Variants in TENM2 observed in about 807,000 individuals in gnomAD.
The protein encoded by TENM2 is teneurin transmembrane protein 2.
In TENM2, 52 loss-of-function variants were observed where a neutral mutation model predicts 245.2. The ratio of observed to expected loss-of-function variants is 0.21; its 90% CI spans 0.17 to 0.27. The LOEUF (loss-of-function observed/expected upper bound fraction) is 0.27. Among genes scored for constraint, TENM2 ranks in the 10% least tolerant of loss-of-function variants. TENM2 has a pLI of 1.00. For synonymous variants in TENM2, 1,363 were observed against 1,438.9 expected (o/e 0.95, Z 1.19); for missense variants, 3,046 against 3,666.8 (o/e 0.83, Z 4.37).
chr5:167,589,199 C>A (rs77828772), intron 2 of TENM2, among the ~76,000 whole-genome samples: 333 of 139,030 alleles, frequency 2.4e-3, no homozygotes, highest in South Asian at 3.0e-3. Context: ...GAGGCTGTCT[C>A]AAAAAAAAAA....
intron 2 of TENM2, among the ~76,000 whole-genome samples, chr5:167,637,512 C>T (rs772249648): frequency 1.3e-5 from 2 of 152,202 alleles, no homozygotes; most frequent in Non-Finnish European, 2.9e-5. Context: ...TATAAAGACA[C>T]ATGCACACAT....
chr5:167,671,559 A>T (rs1755944145), intron 2 of TENM2, among the ~76,000 whole-genome samples: 1 of 152,026 alleles, frequency 6.6e-6, no homozygotes, highest in Non-Finnish European at 1.5e-5. Context: ...AGGCATAAGA[A>T]CCATGAAACC....
chr5:167,391,580 G>A (rs1346976885), intron 2 of TENM2, among the ~76,000 whole-genome samples: 2 of 137,260 alleles, frequency 1.5e-5, no homozygotes, highest in Non-Finnish European at 1.5e-5. Context: ...AGCCAAGATT[G>A]TGCCACTGCA....
intron 2 of TENM2, among the ~76,000 whole-genome samples, chr5:167,571,587 A>C (rs1774266562): frequency 6.6e-6 from 1 of 152,140 alleles, no homozygotes; most frequent in Non-Finnish European, 1.5e-5. Context: ...CCACCTCCTC[A>C]CTAAGGAAGC....
At chr5:167,663,181 A>T (rs1346833217) in intron 2 of TENM2, among the ~76,000 whole-genome samples, 2 of 143,026 alleles carry the variant, frequency 1.4e-5, no homozygotes, top group African/African-American at 5.4e-5. Context: ...AGAGAGAGAG[A>T]GAGAGAAAGA....
At chr5:167,540,944 A>C (rs1772168332) in intron 2 of TENM2, among the ~76,000 whole-genome samples, 1 of 152,316 alleles carries the variant, frequency 6.6e-6, no homozygotes, top group Middle Eastern at 3.4e-3. Context: ...ACATAAAGTT[A>C]GGTTTCTTTA....
At chr5:167,349,211 T>G (rs1016574879) in intron 1 of TENM2, among the ~76,000 whole-genome samples, 1 of 152,202 alleles carries the variant, frequency 6.6e-6, no homozygotes, top group Non-Finnish European at 1.5e-5. Flanking sequence ...TGGTTCAACT[T>G]CAACCTCACC....
intron 2 of TENM2, among the ~76,000 whole-genome samples, chr5:167,461,960 A>G (rs767747084): frequency 2.6e-5 from 4 of 152,176 alleles, no homozygotes; most frequent in Non-Finnish European, 4.4e-5. Flanking sequence ...TTTGTGAGAA[A>G]CATAATGGTT....
upstream of TENM2, among the ~76,000 whole-genome samples, chr5:167,283,163 C>T (rs1771150219): frequency 6.6e-6 from 1 of 152,046 alleles, no homozygotes; most frequent in Non-Finnish European, 1.5e-5. Flanking sequence ...CCTGCCTCAG[C>T]CTCCCAAGTA....
chr5:168,083,107 G>A (rs866115968), intron 7 of TENM2, among the ~76,000 whole-genome samples: 3 of 152,164 alleles, frequency 2.0e-5, no homozygotes, highest in Non-Finnish European at 2.9e-5. Flanking sequence ...CACCCAGTTC[G>A]AGCTTCCCGG....
chr5:167,264,295 G>T, the TENM2 span, among the ~76,000 whole-genome samples: 1 of 152,144 alleles, frequency 6.6e-6, no homozygotes, highest in Non-Finnish European at 1.5e-5. Context: ...TAGTATGGAA[G>T]TTTTGAACTT....
At chr5:167,315,747 T>C (rs1756327170) in intron 1 of TENM2, among the ~76,000 whole-genome samples, 1 of 152,088 alleles carries the variant, frequency 6.6e-6, no homozygotes, top group African/African-American at 2.4e-5. Context: ...CAGAGACCTC[T>C]AACAAACAGA....
chr5:167,233,796 T>C, the TENM2 span, among the ~76,000 whole-genome samples: 1 of 152,038 alleles, frequency 6.6e-6, no homozygotes, highest in Non-Finnish European at 1.5e-5. Flanking sequence ...TATAAGAAAA[T>C]TATGTCTAAT....
intron 2 of TENM2, among the ~76,000 whole-genome samples, chr5:167,731,725 A>G (rs1582864707): frequency 8.4e-6 from 1 of 118,694 alleles, no homozygotes; most frequent in East Asian, 2.7e-4. Context: ...TGAAATATTT[A>G]AGGCTATTTG....
At chr5:168,044,569 G>T (rs543892261) in intron 5 of TENM2, among the ~76,000 whole-genome samples, 2 of 151,322 alleles carry the variant, frequency 1.3e-5, no homozygotes, top group Non-Finnish European at 2.9e-5. Context: ...TCTGCCCCCC[G>T]TGTATCATTA....
chr5:167,619,206 T>C (rs764507090), intron 2 of TENM2, among the ~76,000 whole-genome samples: 8 of 152,120 alleles, frequency 5.3e-5, no homozygotes, highest in African/African-American at 9.7e-5. Flanking sequence ...TGTTTTCTCA[T>C]CACTGTATAG....
At chr5:167,617,341 G>A (rs1369149962) in intron 2 of TENM2, among the ~76,000 whole-genome samples, 1 of 152,140 alleles carries the variant, frequency 6.6e-6, no homozygotes, top group African/African-American at 2.4e-5. Flanking sequence ...AATGTTCTGG[G>A]TTTGATAACG....
At chr5:168,059,531 A>G (rs2152085591) in intron 6 of TENM2, among the ~76,000 whole-genome samples, 1 of 152,136 alleles carries the variant, frequency 6.6e-6, no homozygotes, top group East Asian at 1.9e-4. Context: ...TTCTTTTGGT[A>G]CCTATCAGAG....
chr5:167,440,575 T>C (rs954734824), intron 2 of TENM2, among the ~76,000 whole-genome samples: 1 of 152,156 alleles, frequency 6.6e-6, no homozygotes, highest in African/African-American at 2.4e-5. Context: ...AAGAAGAAAC[T>C]AGAATATTTT....
Sources: allele counts gnomAD v4.1 joint callset (sites outside exome capture counted in the v4.1 genomes callset), GRCh38; gene constraint gnomAD v4.1.1; transcripts MANE v1.5; gene names NCBI Gene and HGNC (gene_info 2026-07-23, HGNC 2026-07-21).